Variants in TCF7L2 observed in about 807,000 individuals in gnomAD.
TCF7L2 encodes the protein transcription factor 7 like 2.
A neutral mutation model predicts 77.9 loss-of-function variants in TCF7L2; 23 were observed. The ratio of observed to expected loss-of-function variants is 0.30; its 90% CI spans 0.21 to 0.42. The LOEUF is 0.42. TCF7L2 is among the 10% of genes least tolerant of loss of function. The pLI, the probability that TCF7L2 is intolerant of heterozygous loss-of-function variation, is 1.00. For synonymous variants in TCF7L2, 413 were observed against 340.2 expected (o/e 1.21, Z -2.36); for missense variants, 654 against 793.1 (o/e 0.82, Z 2.11).
intron 4 of TCF7L2, among the ~76,000 whole-genome samples, chr10:112,988,256 C>T (rs2041926942): frequency 6.6e-6 from 1 of 151,928 alleles, no homozygotes; most frequent in Non-Finnish European, 1.5e-5. Context: ...TGCCACCAGG[C>T]TGGGCTGATT....
At chr10:113,165,495 A>G in intron 13 of TCF7L2, 60 bp from the exon 15 acceptor site, 1 of 1,565,248 alleles carries the variant, frequency 6.4e-7, no homozygotes, top group Non-Finnish European at 8.7e-7. Flanking sequence ...AGCATTAGGT[A>G]ACTCTCTCCC....
intron 5 of TCF7L2, among the ~76,000 whole-genome samples, chr10:113,124,446 T>G (rs2065261626): frequency 2.0e-5 from 3 of 152,152 alleles, no homozygotes. Context: ...ATTTTATCCC[T>G]TTTACCACAT....
chr10:113,004,639 T>C (rs1201085530), intron 4 of TCF7L2, among the ~76,000 whole-genome samples: 1 of 152,192 alleles, frequency 6.6e-6, no homozygotes, highest in Non-Finnish European at 1.5e-5. Context: ...TTTCCCACAG[T>C]GAATTGACGT....
chr10:113,024,123 C>T (rs2048707828), intron 4 of TCF7L2, among the ~76,000 whole-genome samples: 1 of 151,838 alleles, frequency 6.6e-6, no homozygotes, highest in Admixed American at 6.6e-5. Context: ...CATAGTAAAA[C>T]CCCATCTCTA....
At chr10:112,988,309 G>T (rs2135398933) in intron 4 of TCF7L2, among the ~76,000 whole-genome samples, 1 of 152,248 alleles carries the variant, frequency 6.6e-6, no homozygotes, top group Middle Eastern at 3.4e-3. Flanking sequence ...ATGTTGGCCA[G>T]GCTGGTCTCG....
At position 113,151,631 on chromosome 10, in the gene TCF7L2, G is replaced by A; in HGVS notation, c.1002-94G>A. Reference sequence around the variant, plus strand: ...TTTTTAATCCAAAACTGCTAGGCTTGGGGGTTATGAGACAAGGAGATACGT... The same window carrying A: ...TTTTTAATCCAAAACTGCTAGGCTTAGGGGTTATGAGACAAGGAGATACGT... On this transcript the variant is annotated intron_variant, in intron 9 of 13. Transcript: ENST00000627217. This position sits in a 1 kb window ranked among gnomAD's most constrained non-coding sequence, Gnocchi z 5.2. 1 of 1,445,608 alleles carries A rather than the reference G, an allele frequency of 6.9e-7. No individual in the cohort carries two copies. The highest frequency in any genetic ancestry group is 9.2e-7 in the Non-Finnish European group (1 of 1,088,686). The allele number at this position is 1,445,608 out of a possible 1,614,324, so 89.5% of individuals were successfully genotyped here.
intron 4 of TCF7L2, among the ~76,000 whole-genome samples, chr10:113,001,657 G>A (rs937084066): frequency 6.6e-6 from 1 of 152,148 alleles, no homozygotes; most frequent in African/African-American, 2.4e-5. Flanking sequence ...GAGATGGCTT[G>A]GGTGACCCCC....
intron 5 of TCF7L2, among the ~76,000 whole-genome samples, chr10:113,083,102 C>T (rs968899067): frequency 1.3e-5 from 2 of 152,004 alleles, no homozygotes; most frequent in Non-Finnish European, 2.9e-5. Flanking sequence ...TTCTGCATGC[C>T]TTGAGTGCAG....
In TCF7L2 at chr10:112,950,462, TTA is replaced by T; in HGVS notation, c.-294_-293del. The T allele has an allele frequency of 3.5e-6, 1 of 285,082 alleles. No individual in the cohort carries two copies. The highest frequency in any genetic ancestry group is 6.6e-6 in the Non-Finnish European group (1 of 152,278). 17.7% of individuals were successfully genotyped at this position (285,082 alleles called of 1,614,324 possible). ...GTTGTTGTTGGTGTTTTTTTTTTTTTTACCCCCCTTTTTTATTTATTATTTTT... is the reference window on the plus strand; with the variant it reads ...GTTGTTGTTGGTGTTTTTTTTTTTTTCCCCCCTTTTTTATTTATTATTTTT... On this transcript the variant is annotated 5_prime_UTR_variant, in exon 1 of 14. Transcript: ENST00000627217.
chr10:113,121,733 CAT>C (rs1224649425), intron 5 of TCF7L2, among the ~76,000 whole-genome samples: 1 of 151,652 alleles, frequency 6.6e-6, no homozygotes, highest in African/African-American at 2.4e-5. Flanking sequence ...CACACGCACA[CAT>C]ACACACAACA....
chr10:113,032,300 T>C (rs1235575778), intron 4 of TCF7L2, among the ~76,000 whole-genome samples: 1 of 152,228 alleles, frequency 6.6e-6, no homozygotes, highest in Non-Finnish European at 1.5e-5. Context: ...GCAGAAATAG[T>C]TCAGGGACAG....
At chr10:113,010,453 A>G (rs1223078353) in intron 4 of TCF7L2, among the ~76,000 whole-genome samples, 5 of 152,154 alleles carry the variant, frequency 3.3e-5, no homozygotes, top group Non-Finnish European at 7.3e-5. Flanking sequence ...TGAGGATAGT[A>G]AGCTCTGAGT....
chr10:112,997,185 A>G (rs984584100), intron 4 of TCF7L2, among the ~76,000 whole-genome samples: 6 of 152,230 alleles, frequency 3.9e-5, no homozygotes, highest in Admixed American at 6.5e-5. Context: ...TTGAGAATCC[A>G]GGGTTCAAAT....
intron 4 of TCF7L2, among the ~76,000 whole-genome samples, chr10:112,976,335 T>C (rs183316779): frequency 6.6e-6 from 1 of 152,364 alleles, no homozygotes; most frequent in Admixed American, 6.5e-5. Flanking sequence ...CATGATAAAT[T>C]TGATAACTTG....
chr10:113,058,895 G>A, intron 5 of TCF7L2, among the ~76,000 whole-genome samples: 1 of 152,198 alleles, frequency 6.6e-6, no homozygotes, highest in East Asian at 1.9e-4. Flanking sequence ...TGCATAGGGT[G>A]TGATTTAGTT....
intron 5 of TCF7L2, among the ~76,000 whole-genome samples, 153 bp from the exon 6 acceptor site, chr10:113,141,031 G>A (rs983995873): frequency 6.6e-6 from 1 of 152,182 alleles, no homozygotes; most frequent in African/African-American, 2.4e-5. Context: ...TTTTCACATG[G>A]ACTGGGGGGA....
At chr10:113,050,115 A>T (rs1376780091) in intron 5 of TCF7L2, among the ~76,000 whole-genome samples, 4 of 152,310 alleles carry the variant, frequency 2.6e-5, no homozygotes, top group Admixed American at 2.0e-4. Context: ...CCGAGCCTGC[A>T]TAGCTGGTGG....
chr10:112,980,565 T>A (rs1448240650), intron 4 of TCF7L2, among the ~76,000 whole-genome samples: 1 of 152,116 alleles, frequency 6.6e-6, no homozygotes, highest in East Asian at 1.9e-4. Flanking sequence ...AAACCTCCCC[T>A]GCTTCCCTCC....
chr10:113,137,853 G>T (rs772883819), intron 5 of TCF7L2, among the ~76,000 whole-genome samples: 1 of 152,220 alleles, frequency 6.6e-6, no homozygotes. Context: ...CATAGTCCTT[G>T]TCCCTAAGGG....
Sources: allele counts gnomAD v4.1 joint callset (sites outside exome capture counted in the v4.1 genomes callset), GRCh38; gene constraint gnomAD v4.1.1; non-coding constraint Gnocchi (gnomAD v3.1); transcripts MANE v1.5; gene names NCBI Gene and HGNC (gene_info 2026-07-23, HGNC 2026-07-21).